Variants in TRIM33 observed in about 807,000 individuals in gnomAD.
TRIM33 encodes the protein E3 ubiquitin-protein ligase TRIM33.
TRIM33 carries 20 observed loss-of-function variants against 125.4 expected under a neutral mutation model. The ratio of observed to expected loss-of-function variants is 0.16; its 90% confidence interval spans 0.11 to 0.23. TRIM33 has a LOEUF of 0.23. Ranked by LOEUF, TRIM33 falls within the 10% of genes least tolerant of loss-of-function variation. The pLI is 1.00. For synonymous variants in TRIM33, 564 were observed against 513.9 expected, an observed-to-expected ratio of 1.10 and a Z score of -1.32; for missense variants, 920 against 1,411.4, an observed-to-expected ratio of 0.65 and a Z score of 5.58.
chr1:114,402,810 G>A lies in TRIM33; in HGVS notation c.2842C>T (p.His948Tyr). 1.2e-6 allele frequency: 2 copies of A among 1,614,016 alleles called. No individual in the cohort carries two copies. Among genetic ancestry groups the A allele is most frequent in the Non-Finnish European group, 1.7e-6 (2 of 1,179,988 alleles). ...EVEYDCDNLQ[H>Y]SKKGKTAQGL... The stretch of plus-strand genomic sequence containing the variant: ...TGCGCAGTTTTCCCCTTCTTACTAT[G>A]TTGCAAATTATCACAATCATATTCA... Residue 948 changes from histidine (H) to tyrosine (Y), a missense_variant, in exon 16 of 20, where the codon CAT becomes TAT. Transcript: ENST00000358465.
intron 1 of TRIM33, among the ~76,000 whole-genome samples, chr1:114,506,579 G>A (rs1013673394): frequency 1.2e-4 from 18 of 152,004 alleles, no homozygotes; most frequent in African/African-American, 4.1e-4. Flanking sequence ...TGTTACTCAG[G>A]CTGATCTTGA....
intron 4 of TRIM33, among the ~76,000 whole-genome samples, chr1:114,462,808 A>G (rs939946925): frequency 2.6e-5 from 4 of 152,198 alleles, no homozygotes; most frequent in African/African-American, 9.6e-5. Flanking sequence ...GACACCAAGA[A>G]AAAGCTTATT....
intron 1 of TRIM33, among the ~76,000 whole-genome samples, chr1:114,497,423 A>G (rs1652437045): frequency 6.6e-6 from 1 of 152,068 alleles, no homozygotes. Flanking sequence ...CAGCCTCCCA[A>G]GTAGCTGAGA....
intron 4 of TRIM33, among the ~76,000 whole-genome samples, chr1:114,459,274 A>T (rs944779772): frequency 6.6e-6 from 1 of 152,184 alleles, no homozygotes; most frequent in Non-Finnish European, 1.5e-5. Flanking sequence ...TGAGATGATC[A>T]CAAACGATCA....
intron 1 of TRIM33, among the ~76,000 whole-genome samples, chr1:114,470,728 A>T (rs763721468): frequency 6.6e-6 from 1 of 152,360 alleles, no homozygotes; most frequent in Non-Finnish European, 1.5e-5. Context: ...GAGAAGGCAT[A>T]TCAAAAGCCA....
In TRIM33 at chr1:114,510,841, G is replaced by A. The variant is rs1391339726; in HGVS notation, c.236C>T (p.Ser79Leu). The A allele has an allele frequency of 3.3e-6, 5 of 1,516,986 alleles. No individual in the cohort carries two copies. The East Asian group carries it at 1.0e-4, about 31-fold the overall frequency. 94.0% of individuals were successfully genotyped at this position (1,516,986 alleles called of 1,614,324 possible). ...AGTGCCCACTGAGGCCGCAGGAGAT[G>A]AAGCAGCCTGGGCCGAGCCCGAGGA... ...AASSGSAQAA[S>L]SPAASVGTGV... is the part of the protein sequence containing the mutation. The change falls in exon 1 of 20, where the codon TCA becomes TTA. Residue 79 changes from serine to leucine, a missense_variant. Around this residue, in one of 8 missense-constraint regions of TRIM33, gnomAD observed 233 missense variants for 189.6 expected, o/e 1.23. Transcript: ENST00000358465.
rs76562934 is a variant in TRIM33, at chr1:114,486,643, C to G, written c.527-22255G>C. The stretch of plus-strand genomic sequence containing the variant: ...AGATAACAGGCAACAGAATAACTGA[C>G]CTTCAGGCAAAATCAAGAGACCAAA... On this transcript the variant is annotated intron_variant, in intron 1 of 19. Coordinates refer to ENST00000358465, the MANE Select transcript of TRIM33 (RefSeq NM_015906.4). Among the ~76,000 whole-genome samples the G allele has an allele frequency of 2.9e-4, 44 of 151,368 alleles. No homozygotes were observed. The East Asian group carries it at 7.9e-3, about 27-fold the overall frequency.
At chr1:114,494,056 C>CTCG (rs1006720543) in intron 1 of TRIM33, among the ~76,000 whole-genome samples, 1 of 152,080 alleles carries the variant, frequency 6.6e-6, no homozygotes, top group Non-Finnish European at 1.5e-5. Flanking sequence ...ATCTCCTGAC[C>CTCG]TCGTGATCTG....
At position 114,426,776 on chromosome 1, in the gene TRIM33, A is replaced by G. The variant is rs141611069; in HGVS notation, c.1420+401T>C. ...ATCTTTCAAACATTCCTCAGGACCT[A>G]ACTACTGGACACATTAGCATCCTAA... On this transcript the variant is annotated intron_variant, in intron 8 of 19. Transcript: ENST00000358465. Among the ~76,000 whole-genome samples, 5 of 152,320 alleles carry G rather than the reference A, an allele frequency of 3.3e-5. 1 individual carries two copies. The South Asian group carries it at 1.0e-3, about 32-fold the overall frequency.
In TRIM33 at chr1:114,399,432, C is replaced by T. The variant is rs754259045; in HGVS notation, c.3120+25G>A. ...ACAAACAAAAACTAACAAATCAAGA[C>T]TCTATAGGTTGGAAGTTAACATACT... On this transcript the variant is annotated intron_variant, in intron 18 of 19. Coordinates refer to ENST00000358465, the MANE Select transcript of TRIM33 (RefSeq NM_015906.4). 44 of 1,599,820 alleles carry T rather than the reference C, an allele frequency of 2.8e-5. 1 individual carries two copies. In the South Asian group the frequency reaches 4.6e-4, roughly 17 times the overall value.
intron 1 of TRIM33, among the ~76,000 whole-genome samples, chr1:114,474,909 A>T (rs1650885292): frequency 6.6e-6 from 1 of 151,802 alleles, no homozygotes; most frequent in African/African-American, 2.4e-5. Context: ...AAAAAAAACA[A>T]GCAGGAGTGG....
intron 1 of TRIM33, among the ~76,000 whole-genome samples, chr1:114,485,830 T>A (rs1289866753): frequency 6.6e-6 from 1 of 152,130 alleles, no homozygotes; most frequent in East Asian, 1.9e-4. Flanking sequence ...TCCAAAATAT[T>A]TGCAATATAC....
chr1:114,405,237 C>A lies in TRIM33; in HGVS notation c.2768+173G>T, dbSNP rs183884061. Reference sequence around the variant, plus strand: ...TTTAACATTAATGTACTACTTAGATCTTAGATATTTTATTGTTAGTTTCTC... The same window carrying A: ...TTTAACATTAATGTACTACTTAGATATTAGATATTTTATTGTTAGTTTCTC... On this transcript the variant is annotated intron_variant, in intron 15 of 19. Transcript: ENST00000358465. 10 of 582,004 alleles carry A rather than the reference C, an allele frequency of 1.7e-5. No homozygotes were observed. In the Admixed American group the frequency reaches 3.3e-4, roughly 19 times the overall value. 36.1% of individuals were successfully genotyped at this position (582,004 alleles called of 1,614,324 possible).
At chr1:114,450,391 G>T (rs751109903) in intron 4 of TRIM33, among the ~76,000 whole-genome samples, 4 of 152,144 alleles carry the variant, frequency 2.6e-5, no homozygotes, top group Non-Finnish European at 5.9e-5. Flanking sequence ...GAGTGCAGTG[G>T]CATGATCTCA....
chr1:114,422,947 G>GT (rs1245403804), intron 10 of TRIM33, among the ~76,000 whole-genome samples: 3 of 151,738 alleles, frequency 2.0e-5, no homozygotes, highest in Non-Finnish European at 4.4e-5. Flanking sequence ...TTTTGTAAAC[G>GT]TTTCCTAAGC....
chr1:114,491,855 A>C (rs1234262195), intron 1 of TRIM33, among the ~76,000 whole-genome samples: 1 of 152,150 alleles, frequency 6.6e-6, no homozygotes, highest in African/African-American at 2.4e-5. Context: ...ACTGAATTCA[A>C]AGCCAAAACA....
At chr1:114,401,578 CCCT>C (rs1179367298) in intron 16 of TRIM33, 115 bp from the exon 17 acceptor site, 2 of 731,868 alleles carry the variant, frequency 2.7e-6, no homozygotes, top group African/African-American at 1.8e-5. Context: ...AACACAAGCC[CCCT>C]GTTTACTAGA....
At chr1:114,497,598 G>A (rs1331761477) in intron 1 of TRIM33, among the ~76,000 whole-genome samples, 2 of 152,080 alleles carry the variant, frequency 1.3e-5, no homozygotes, top group Non-Finnish European at 2.9e-5. Context: ...ACCCTGCCTG[G>A]CCTCTAATAA....
intron 1 of TRIM33, among the ~76,000 whole-genome samples, chr1:114,507,023 C>G (rs1435135575): frequency 6.6e-6 from 1 of 152,208 alleles, no homozygotes; most frequent in Non-Finnish European, 1.5e-5. Context: ...ATTTATTGAA[C>G]AGTCTACAAT....
Sources: allele counts gnomAD v4.1 joint callset (sites outside exome capture counted in the v4.1 genomes callset), GRCh38; gene constraint gnomAD v4.1.1; regional missense constraint gnomAD v4.1.1; transcripts MANE v1.5; gene names NCBI Gene and HGNC (gene_info 2026-07-23, HGNC 2026-07-21).